The following PCDHA1 variants were observed in gnomAD, a reference collection of about 807,000 sequenced individuals.
PCDHA1 encodes protocadherin alpha-1.
Under a neutral mutation model 61.3 loss-of-function variants are expected in PCDHA1, and 42 were observed. The observed-to-expected ratio is 0.69, with a 90% CI of 0.54 to 0.89. The LOEUF (loss-of-function observed/expected upper bound fraction) is 0.89. PCDHA1 is among the 40% of genes least tolerant of loss of function. The pLI is 0.00. For synonymous variants in PCDHA1, 610 were observed against 553.8 expected (o/e 1.10, Z -1.43); for missense variants, 1,256 against 1,235.3 (o/e 1.02, Z -0.25).
At chr5:140,846,321 T>C (rs1780323093) in intron 1 of PCDHA1, among the ~76,000 whole-genome samples, 1 of 149,102 alleles carries the variant, frequency 6.7e-6, no homozygotes, top group Admixed American at 6.7e-5. Context: ...TGTAGAGTGT[T>C]GTAAATAGCC....
At chr5:140,842,725 C>T in intron 1 of PCDHA1, 3 of 1,595,120 alleles carry the variant, frequency 1.9e-6, no homozygotes, top group Non-Finnish European at 2.6e-6. Flanking sequence ...AGGAGAACAA[C>T]CCGCCGGGCT....
Position 140,841,177 on chromosome 5 carries a change from T to C in PCDHA1, c.2394+52493T>C, listed in dbSNP as rs1485843958. 5 of 1,089,016 alleles carry C rather than the reference T, an allele frequency of 4.6e-6. No homozygotes were observed. The East Asian group carries it at 7.7e-5, about 17-fold the overall frequency. 67.5% of individuals were successfully genotyped at this position (1,089,016 alleles called of 1,614,324 possible). ...CTACCAAGAAGTTCTGGTTGGTCAA[T>C]GTTCAAAGTCTTTTCTCTGACAGCA... On this transcript the variant is annotated intron_variant, in intron 1 of 3. Coordinates refer to ENST00000504120, the MANE Select transcript of PCDHA1 (RefSeq NM_018900.4).
At chr5:140,850,107 C>T (rs2150467518) in intron 1 of PCDHA1, 8 of 1,596,052 alleles carry the variant, frequency 5.0e-6, no homozygotes, top group South Asian at 1.1e-5. Context: ...GGTGAGCGCG[C>T]GCGACGCGGG....
intron 1 of PCDHA1, chr5:140,842,209 T>C (rs1777791559): frequency 6.2e-7 from 1 of 1,613,490 alleles, no homozygotes. Flanking sequence ...TTAGCATAGA[T>C]CGAAATACGG....
intron 1 of PCDHA1, chr5:140,857,365 C>G (rs251362): frequency 0.53 from 847,286 of 1,597,488 alleles, 260,121 homozygotes; most frequent in South Asian, 0.6. Flanking sequence ...CCACGGCCAG[C>G]GTGTCTGTGG....
chr5:140,816,757 T>TTG (rs2126674683), intron 1 of PCDHA1: 2 of 152,170 alleles, frequency 1.3e-5, no homozygotes, highest in Non-Finnish European at 2.9e-5. Context: ...TTCTATGGAC[T>TTG]TGTGTGTATA....
chr5:140,786,359 C>A lies in PCDHA1; in HGVS notation c.69C>A (p.Ala23=). The A allele has an allele frequency of 6.2e-7, 1 of 1,613,920 alleles. No homozygotes were observed. Among genetic ancestry groups the A allele is most frequent in the Non-Finnish European group, 8.5e-7 (1 of 1,180,012 alleles). ...TTCTTTGGCTTCTGCTCCTCGCAGC[C>A]TGGGAGGTGGGGAGCGGCCAGCTCC... ...DLLLWLLLLA[A]WEVGSGQLHY... The change falls in exon 1 of 4, where the codon GCC becomes GCA. Residue 23 remains alanine (A), a synonymous_variant. Coordinates refer to ENST00000504120, the MANE Select transcript of PCDHA1 (RefSeq NM_018900.4).
At chr5:140,869,850 G>A in intron 1 of PCDHA1, 1 of 1,610,774 alleles carries the variant, frequency 6.2e-7, no homozygotes, top group South Asian at 1.1e-5. Flanking sequence ...AATATAAGGT[G>A]AGCCTTATGG....
chr5:140,896,037 C>T (rs1373567434), intron 1 of PCDHA1, among the ~76,000 whole-genome samples: 1 of 152,156 alleles, frequency 6.6e-6, no homozygotes, highest in Non-Finnish European at 1.5e-5. Context: ...TCTCGAACTC[C>T]TGACCTCAGG....
intron 1 of PCDHA1, chr5:140,796,566 G>A: frequency 1.2e-6 from 2 of 1,613,352 alleles, no homozygotes; most frequent in Non-Finnish European, 1.7e-6. Flanking sequence ...TGCAGTTCCA[G>A]GTGAGCGCGC....
At chr5:140,919,841 GA>G (rs1318412572) in intron 1 of PCDHA1, among the ~76,000 whole-genome samples, 1 of 152,146 alleles carries the variant, frequency 6.6e-6, no homozygotes, top group Non-Finnish European at 1.5e-5. Context: ...GTAACCTTTG[GA>G]ACCTGTGACC....
At chr5:140,835,817 G>C (rs2150245565) in intron 1 of PCDHA1, 1 of 1,612,752 alleles carries the variant, frequency 6.2e-7, no homozygotes, top group Non-Finnish European at 8.5e-7. Flanking sequence ...TCACTGTGTC[G>C]GCGGGGGACG....
At position 140,848,972 on chromosome 5, in the gene PCDHA1, T is replaced by C. The variant is rs17844324; in HGVS notation, c.2394+60288T>C. ...GGTTTCCACTAGAGGGCGCGTCCGA[T>C]GCAGATATCGGGGAGAACGCCCTGC... On this transcript the variant is annotated intron_variant, in intron 1 of 3. Coordinates refer to ENST00000504120, the MANE Select transcript of PCDHA1 (RefSeq NM_018900.4). The C allele has an allele frequency of 2.8e-5, 45 of 1,601,076 alleles. 3 individuals are homozygous for C. In the East Asian group the frequency reaches 9.8e-4, roughly 35 times the overall value.
chr5:140,895,166 C>T (rs1319581978), intron 1 of PCDHA1, among the ~76,000 whole-genome samples: 1 of 152,138 alleles, frequency 6.6e-6, no homozygotes, highest in Non-Finnish European at 1.5e-5. Context: ...ACAATCCAAT[C>T]TATTTGTAGT....
chr5:140,970,792 C>A (rs1554232742), intron 1 of PCDHA1, among the ~76,000 whole-genome samples: 2 of 152,036 alleles, frequency 1.3e-5, no homozygotes, highest in African/African-American at 4.8e-5. Flanking sequence ...TATGTAATAT[C>A]CATATTGTTA....
chr5:140,916,979 G>A (rs1280720524), intron 1 of PCDHA1, among the ~76,000 whole-genome samples: 1 of 152,144 alleles, frequency 6.6e-6, no homozygotes, highest in African/African-American at 2.4e-5. Flanking sequence ...TGAGTGATTC[G>A]CCTCTGGCCA....
chr5:140,925,905 G>A (rs1241819632), intron 1 of PCDHA1, among the ~76,000 whole-genome samples: 1 of 151,822 alleles, frequency 6.6e-6, no homozygotes, highest in Admixed American at 6.6e-5. Flanking sequence ...GATCGTCAAG[G>A]GCCGTTTGCA....
chr5:140,823,833 G>A, intron 1 of PCDHA1: 2 of 1,613,850 alleles, frequency 1.2e-6, no homozygotes, highest in Non-Finnish European at 1.7e-6. Flanking sequence ...CGGGCGCTGT[G>A]GGTCCCGAGG....
chr5:140,888,725 T>C (rs1254922405), intron 1 of PCDHA1, among the ~76,000 whole-genome samples: 2 of 152,156 alleles, frequency 1.3e-5, no homozygotes, highest in African/African-American at 4.8e-5. Flanking sequence ...TTTCCAGCCC[T>C]TTGTGAGCTC....
Sources: allele counts gnomAD v4.1 joint callset (sites outside exome capture counted in the v4.1 genomes callset), GRCh38; gene constraint gnomAD v4.1.1; transcripts MANE v1.5; gene names NCBI Gene and HGNC (gene_info 2026-07-23, HGNC 2026-07-21).